The following DOCK8 variants were observed in gnomAD, a reference collection of about 807,000 sequenced individuals.
DOCK8 encodes dedicator of cytokinesis 8, also known as dedicator of cytokinesis protein 8.
In DOCK8, 141 loss-of-function variants were observed where a neutral mutation model predicts 245.6. The ratio of observed to expected loss-of-function variants is 0.57; its 90% CI spans 0.50 to 0.66. DOCK8 has a LOEUF of 0.66. DOCK8 is among the 30% of genes least tolerant of loss of function. The pLI is 0.00. For missense variants in DOCK8, 2,965 were observed against 2,603.4 expected, an observed-to-expected ratio of 1.14 and a Z score of -3.02; for synonymous variants, 1,168 against 970.2, an observed-to-expected ratio of 1.20 and a Z score of -3.79.
At chr9:366,343 G>C (rs1030963272) in intron 14 of DOCK8, 1 of 152,320 alleles carries the variant, frequency 6.6e-6, no homozygotes, top group Non-Finnish European at 1.5e-5. Context: ...AGAGAGATGA[G>C]GGTAAAATAA....
chr9:436,414 C>T (rs1185626774), intron 39 of DOCK8, among the ~76,000 whole-genome samples: 2 of 152,084 alleles, frequency 1.3e-5, no homozygotes, highest in Non-Finnish European at 2.9e-5. Flanking sequence ...CCATGTGATA[C>T]TATCAAAAAT....
At chr9:327,330 G>A (rs1287015275) in intron 8 of DOCK8, among the ~76,000 whole-genome samples, 1 of 151,676 alleles carries the variant, frequency 6.6e-6, no homozygotes, top group Admixed American at 6.6e-5. Flanking sequence ...TTCTTTGTAT[G>A]CATGTGGTGA....
Position 327,700 on chromosome 9 carries a change from C to T in DOCK8, c.895-322C>T, listed in dbSNP as rs67042213. Among the ~76,000 whole-genome samples, 27,503 of 152,110 alleles carry T rather than the reference C, an allele frequency of 0.18. 2,703 individuals are homozygous for T. Among genetic ancestry groups the T allele is most frequent in the Non-Finnish European group, 0.21 (14,107 of 67,978 alleles). On this transcript the variant is annotated intron_variant, in intron 8 of 47. Transcript: ENST00000432829. ...GTGTGAACCACCACACCCAGTCCTT[C>T]CCTCATTCTTGATTGTGAATTAATT...
intron 26 of DOCK8, among the ~76,000 whole-genome samples, chr9:400,351 ACCTCCT>A (rs1243889994): frequency 3.1e-5 from 2 of 63,524 alleles, no homozygotes; most frequent in African/African-American, 6.7e-5. Context: ...CACCACCACC[ACCTCCT>A]CCACCATCAC....
chr9:295,157 C>T (rs1006369013), intron 4 of DOCK8, among the ~76,000 whole-genome samples: 13 of 148,936 alleles, frequency 8.7e-5, no homozygotes, highest in African/African-American at 2.2e-4. Flanking sequence ...GAGATTCTGT[C>T]TTAAAAAAAA....
At chr9:319,042 A>G (rs2050469067) in intron 7 of DOCK8, among the ~76,000 whole-genome samples, 1 of 152,214 alleles carries the variant, frequency 6.6e-6, no homozygotes, top group Admixed American at 6.5e-5. Context: ...CACACCTGTA[A>G]TCCCAACACT....
chr9:419,399 G>A (rs6476806), intron 30 of DOCK8, among the ~76,000 whole-genome samples: 31,732 of 151,952 alleles, frequency 0.21, 3,625 homozygotes, highest in East Asian at 0.42. Flanking sequence ...TCTAATATCC[G>A]TCTTACCAAA....
chr9:365,779 A>G, intron 14 of DOCK8: 1 of 395,752 alleles, frequency 2.5e-6, no homozygotes, highest in South Asian at 1.9e-5. Context: ...AACAGACATT[A>G]GCTCTGCTTA....
chr9:267,641 C>CTGTTGTG (rs1399009536), intron 1 of DOCK8, among the ~76,000 whole-genome samples: 1 of 152,172 alleles, frequency 6.6e-6, no homozygotes, highest in African/African-American at 2.4e-5. Flanking sequence ...TATTGTTATA[C>CTGTTGTG]TGTTGTGTGT....
chr9:249,656 C>G (rs886241968), intron 1 of DOCK8, among the ~76,000 whole-genome samples: 2 of 151,796 alleles, frequency 1.3e-5, no homozygotes, highest in Non-Finnish European at 2.9e-5. Context: ...GCCCTGTTGC[C>G]CAGGCTGGAG....
At chr9:421,150 C>T in intron 32 of DOCK8, 72 bp downstream of exon 32, 1 of 1,583,476 alleles carries the variant, frequency 6.3e-7, no homozygotes, top group Non-Finnish European at 8.7e-7. Flanking sequence ...AATGTCCTCC[C>T]AACATGATTA....
chr9:214,730 C>A, upstream of DOCK8: 1 of 1,525,476 alleles, frequency 6.6e-7, no homozygotes, highest in Non-Finnish European at 8.8e-7. Flanking sequence ...GCGCTGGGCC[C>A]ACGCCCTCCT....
intron 14 of DOCK8, among the ~76,000 whole-genome samples, chr9:350,274 G>C (rs1039537621): frequency 2.6e-5 from 4 of 152,108 alleles, no homozygotes; most frequent in Admixed American, 6.5e-5. Context: ...CACCACACCA[G>C]CTAATTATTT....
intron 1 of DOCK8, among the ~76,000 whole-genome samples, chr9:237,591 G>C (rs1330929556): frequency 6.6e-6 from 1 of 152,190 alleles, no homozygotes; most frequent in Admixed American, 6.5e-5. Flanking sequence ...GGAGGTTGAG[G>C]CTTCAGTGAG....
chr9:211,343 G>C (rs1185525416), upstream of DOCK8, among the ~76,000 whole-genome samples: 1 of 152,116 alleles, frequency 6.6e-6, no homozygotes, highest in Non-Finnish European at 1.5e-5. Flanking sequence ...GTTTTGTGAA[G>C]TGGGCATACG....
intron 4 of DOCK8, among the ~76,000 whole-genome samples, chr9:301,746 ATTTTATCC>A (rs1230185735): frequency 6.6e-6 from 1 of 152,254 alleles, no homozygotes; most frequent in Non-Finnish European, 1.5e-5. Flanking sequence ...AATTCCATTT[ATTTTATCC>A]TTTTGAATAA....
chr9:311,659 C>G (rs768010969), intron 5 of DOCK8, among the ~76,000 whole-genome samples: 5 of 152,140 alleles, frequency 3.3e-5, no homozygotes, highest in Non-Finnish European at 7.4e-5. Flanking sequence ...AAAGAACAAG[C>G]CAACAACCGA....
intron 1 of DOCK8, chr9:267,985 T>TGC (rs1247299742): frequency 6.6e-6 from 1 of 152,224 alleles, no homozygotes; most frequent in Non-Finnish European, 1.5e-5. Context: ...TATTACAGTA[T>TGC]TACTTTCCAG....
chr9:423,608 T>C (rs1331881638), intron 33 of DOCK8, among the ~76,000 whole-genome samples: 3 of 152,216 alleles, frequency 2.0e-5, no homozygotes, highest in African/African-American at 7.2e-5. Flanking sequence ...TTTAAAACAT[T>C]AAAGAAATAA....
Sources: allele counts gnomAD v4.1 joint callset (sites outside exome capture counted in the v4.1 genomes callset), GRCh38; gene constraint gnomAD v4.1.1; transcripts MANE v1.5; gene names NCBI Gene and HGNC (gene_info 2026-07-23, HGNC 2026-07-21).